IGSF11: variants seen among roughly 807,000 people sequenced by gnomAD.
The protein encoded by IGSF11 is immunoglobulin superfamily member 11, also known as CXADR like 1.
IGSF11 carries 22 observed loss-of-function variants against 41.0 expected under a neutral mutation model. The observed-to-expected ratio is 0.54, with a 90% CI of 0.38 to 0.77. The LOEUF (loss-of-function observed/expected upper bound fraction) is 0.77, where lower values mean the gene tolerates loss of function less well. IGSF11 is among the 30% of genes least tolerant of loss of function. IGSF11 has a pLI of 0.00. For missense variants in IGSF11, 444 were observed against 530.8 expected (o/e 0.84, Z 1.61); for synonymous variants, 219 against 201.3 (o/e 1.09, Z -0.74).
At chr3:119,008,461 C>G (rs1937675812) in intron 1 of IGSF11, among the ~76,000 whole-genome samples, 1 of 152,152 alleles carries the variant, frequency 6.6e-6, no homozygotes. Flanking sequence ...ATTAAAAGAT[C>G]CTGTACAGAA....
chr3:119,100,970 TGGAATGC>T (rs1308078798), intron 1 of IGSF11, among the ~76,000 whole-genome samples: 1 of 152,222 alleles, frequency 6.6e-6, no homozygotes, highest in Non-Finnish European at 1.5e-5. Flanking sequence ...TCCCATCTTG[TGGAATGC>T]CACCTCCATC....
chr3:118,926,382 A>T (rs1341430496), intron 3 of IGSF11, 126 bp from the exon 4 acceptor site: 1 of 732,286 alleles, frequency 1.4e-6, no homozygotes, highest in African/African-American at 1.8e-5. Flanking sequence ...ATACCAGGAG[A>T]CAGACTCACC....
rs747873904 is a variant in IGSF11, at chr3:119,083,233, C to T, written c.49+21911G>A. On this transcript the variant is annotated intron_variant, in intron 1 of 6. Coordinates refer to the IGSF11 transcript ENST00000354673. ...GCCTCGACTTCGTGGGCTCAGCCCA[C>T]CTCAGCCTCACGAGGAGCTGGGACT... 5.3e-5 allele frequency among the ~76,000 whole-genome samples: 8 copies of T among 151,012 alleles called. No homozygotes were observed. The South Asian group carries it at 8.4e-4, about 16-fold the overall frequency.
Position 118,928,512 on chromosome 3 carries a change from A to T in IGSF11, c.421T>A (p.Leu141Ile), listed in dbSNP as rs759532372. 6.2e-7 allele frequency: 1 copy of T among 1,611,522 alleles called. No homozygotes were observed. Among genetic ancestry groups the T allele is most frequent in the Admixed American group, 1.7e-5 (1 of 60,010 alleles). ...CAAGGACTCTTGTGTCACTCACCTA[A>T]CACTGTGAGACCGGTGACCCCAATG... ...RNIGVTGLTV[L>I]VPPSAPHCQI... Residue 141 changes from leucine (L) to isoleucine (I), a missense_variant, in exon 3 of 7, where the codon TTA (leucine) becomes ATA (isoleucine). This residue lies in a region of IGSF11 where 193 missense variants were observed against 283.5 expected (regional missense o/e 0.68). Coordinates refer to ENST00000393775, the MANE Select transcript of IGSF11 (RefSeq NM_001015887.3).
chr3:119,068,715 G>A (rs1231990969), intron 1 of IGSF11, among the ~76,000 whole-genome samples: 11 of 152,096 alleles, frequency 7.2e-5, no homozygotes, highest in Admixed American at 6.6e-4. Flanking sequence ...AACTGCTTTT[G>A]AGGACTCTAG....
chr3:119,011,627 A>G (rs1201199241), intron 1 of IGSF11, among the ~76,000 whole-genome samples: 1 of 152,204 alleles, frequency 6.6e-6, no homozygotes, highest in Non-Finnish European at 1.5e-5. Context: ...AAAATTTTAT[A>G]GAAATACTAT....
At chr3:118,997,291 A>G (rs1307705432) in intron 1 of IGSF11, among the ~76,000 whole-genome samples, 2 of 152,234 alleles carry the variant, frequency 1.3e-5, no homozygotes, top group African/African-American at 4.8e-5. Context: ...ACTATTTTAG[A>G]TAATCATAAA....
At chr3:119,080,217 A>G (rs1261810613) in intron 1 of IGSF11, among the ~76,000 whole-genome samples, 5 of 152,190 alleles carry the variant, frequency 3.3e-5, no homozygotes, top group Non-Finnish European at 7.3e-5. Context: ...TTTCCCTTTT[A>G]TAATTTTTCT....
intron 6 of IGSF11, 30 bp from the exon 7 acceptor site, chr3:118,902,991 G>A: frequency 6.3e-7 from 1 of 1,591,306 alleles, no homozygotes; most frequent in Non-Finnish European, 8.6e-7. Context: ...GTCGTTGTTA[G>A]GATTTACTTC....
upstream of IGSF11, among the ~76,000 whole-genome samples, chr3:119,108,186 C>A (rs200129942): frequency 1.8e-5 from 2 of 110,100 alleles, no homozygotes; most frequent in Non-Finnish European, 4.0e-5. Flanking sequence ...GGCAGTATGG[C>A]CATTTTCACG....
chr3:119,019,316 CAG>C (rs937375227), intron 1 of IGSF11, among the ~76,000 whole-genome samples: 34 of 150,348 alleles, frequency 2.3e-4, no homozygotes, highest in African/African-American at 7.9e-4. Context: ...TGCAAAGAAA[CAG>C]AGTCTATTTT....
intron 1 of IGSF11, among the ~76,000 whole-genome samples, chr3:119,054,799 G>A (rs1030914822): frequency 5.3e-5 from 8 of 152,148 alleles, no homozygotes; most frequent in East Asian, 3.8e-4. Context: ...ATCAACCAAT[G>A]AGTGGATAAA....
intron 1 of IGSF11, among the ~76,000 whole-genome samples, chr3:119,137,698 A>T (rs1414683714): frequency 6.6e-6 from 1 of 152,238 alleles, no homozygotes; most frequent in East Asian, 1.9e-4. Context: ...AAACCAAAGC[A>T]AAAATGGACA....
At chr3:119,004,838 T>G (rs1224743866) in intron 1 of IGSF11, among the ~76,000 whole-genome samples, 1 of 152,182 alleles carries the variant, frequency 6.6e-6, no homozygotes, top group Non-Finnish European at 1.5e-5. Flanking sequence ...TAGTTTGTTA[T>G]AATTTCTGTT....
intron 1 of IGSF11, among the ~76,000 whole-genome samples, chr3:118,944,457 T>TACACACACAC (rs3079206): frequency 4.8e-4 from 61 of 125,814 alleles, no homozygotes; most frequent in African/African-American, 1.5e-3. Context: ...TAGCTTGAAA[T>TACACACACAC]ACACACACAC....
intron 1 of IGSF11, among the ~76,000 whole-genome samples, chr3:119,081,393 G>A (rs1346432324): frequency 6.6e-6 from 1 of 151,602 alleles, no homozygotes; most frequent in Non-Finnish European, 1.5e-5. Context: ...CTCGATCATT[G>A]TCATAACCAT....
At chr3:119,023,694 A>C (rs566046956) in intron 1 of IGSF11, among the ~76,000 whole-genome samples, 14 of 152,324 alleles carry the variant, frequency 9.2e-5, no homozygotes, top group East Asian at 5.8e-4. Flanking sequence ...TTCACTTGCC[A>C]CAGTTGGGAT....
chr3:119,093,409 T>G (rs2076796782), intron 1 of IGSF11, among the ~76,000 whole-genome samples: 1 of 152,072 alleles, frequency 6.6e-6, no homozygotes, highest in South Asian at 2.1e-4. Context: ...AGACCCGTTT[T>G]TTTTTTTTTA....
chr3:119,063,186 C>G (rs968721608), intron 1 of IGSF11, among the ~76,000 whole-genome samples: 1 of 152,102 alleles, frequency 6.6e-6, no homozygotes, highest in African/African-American at 2.4e-5. Flanking sequence ...CATAATTCTA[C>G]TAACAAATGT....
Sources: gnomAD v4.1 joint callset for allele counts (sites outside exome capture counted in the v4.1 genomes callset) on GRCh38, gnomAD v4.1.1 for gene constraint, gnomAD v4.1.1 regional missense constraint, MANE v1.5 for transcripts, NCBI Gene and HGNC (gene_info 2026-07-23, HGNC 2026-07-21) for gene names.